Variants in IGFBP2 observed in about 807,000 individuals in gnomAD.
IGFBP2 encodes the protein insulin like growth factor binding protein 2, also known as insulin-like growth factor-binding protein 2.
A neutral mutation model predicts 26.2 loss-of-function variants in IGFBP2; 12 were observed. The ratio of observed to expected loss-of-function variants is 0.46; its 90% CI spans 0.29 to 0.74. The LOEUF is 0.74. Among genes scored for constraint, IGFBP2 ranks in the 30% least tolerant of loss-of-function variants. The pLI is 0.09. For synonymous variants in IGFBP2, 189 were observed against 200.6 expected (o/e 0.94, Z 0.49); for missense variants, 328 against 441.2 (o/e 0.74, Z 2.30).
At chr2:216,649,260 C>T (rs1697772892) in intron 1 of IGFBP2, among the ~76,000 whole-genome samples, 1 of 152,162 alleles carries the variant, frequency 6.6e-6, no homozygotes, top group African/African-American at 2.4e-5. Flanking sequence ...CAGAAATATT[C>T]TTTTTAACTG....
At chr2:216,640,020 T>C (rs918908779) in intron 1 of IGFBP2, among the ~76,000 whole-genome samples, 12 of 152,186 alleles carry the variant, frequency 7.9e-5, no homozygotes, top group African/African-American at 2.9e-4. Context: ...CCCGACTCCC[T>C]CTTCCTCCTC....
In IGFBP2 at chr2:216,662,016, C is replaced by T; in HGVS notation, c.813+18C>T. 1 of 1,613,282 alleles carries T rather than the reference C, an allele frequency of 6.2e-7. No individual in the cohort carries two copies. The highest frequency in any genetic ancestry group is 1.1e-5 in the South Asian group (1 of 91,038). On this transcript the variant is annotated intron_variant, in intron 3 of 3. Transcript: ENST00000233809. ...TCAAACAGGTGAGCATGGTGCCAGC[C>T]TGGGCCAGAGCAGCTCCTCCTCAGC...
chr2:216,656,749 A>G (rs965547733), intron 1 of IGFBP2, among the ~76,000 whole-genome samples: 2 of 152,092 alleles, frequency 1.3e-5, no homozygotes, highest in Non-Finnish European at 2.9e-5. Context: ...GCCATAATAG[A>G]GACTGTCTGC....
At chr2:216,655,028 A>G (rs944448190) in intron 1 of IGFBP2, among the ~76,000 whole-genome samples, 1 of 152,160 alleles carries the variant, frequency 6.6e-6, no homozygotes. Context: ...ATAAAAACAT[A>G]TATTTTTAAA....
rs71401159 is a variant in IGFBP2 at position 216,641,688 on chromosome 2, ATT to A, written c.442+7742_442+7743del. Among the ~76,000 whole-genome samples, 552 of 133,338 alleles carry A rather than the reference ATT, an allele frequency of 4.1e-3. 3 individuals are homozygous for A. The highest frequency in any genetic ancestry group is 0.013 in the African/African-American group (462 of 35,768). The allele number at this position is 133,338 out of a possible 152,430, so 87.5% of individuals were successfully genotyped here. A position where few individuals can be genotyped will look rare whatever the true frequency, so the allele number is the denominator to read the frequency against. ...AACGGTTGGAGACCATCGGGCTTGC[ATT>A]TTTTTTTTTTTTTTTTTTAGACAGA... On this transcript the variant is annotated intron_variant, in intron 1 of 3. Transcript: ENST00000233809.
intron 1 of IGFBP2, among the ~76,000 whole-genome samples, chr2:216,657,418 C>G (rs918495450): frequency 6.6e-6 from 1 of 152,210 alleles, no homozygotes; most frequent in Non-Finnish European, 1.5e-5. Context: ...CGGCCTTTCT[C>G]TTTCACCCTT....
At chr2:216,656,738 A>G (rs935424437) in intron 1 of IGFBP2, among the ~76,000 whole-genome samples, 1 of 152,120 alleles carries the variant, frequency 6.6e-6, no homozygotes, top group African/African-American at 2.4e-5. Context: ...GTGTTGTTAT[A>G]GCCATAATAG....
intron 2 of IGFBP2, 179 bp downstream of exon 2, chr2:216,660,965 G>T (rs1688629781): frequency 1.7e-6 from 1 of 603,408 alleles, no homozygotes; most frequent in African/African-American, 1.8e-5. Context: ...AGTATCTCTG[G>T]CTGTGAAATA....
rs576278054 is a variant in IGFBP2 at position 216,635,960 on chromosome 2, G to A, written c.442+1995G>A. Reference sequence around the variant, plus strand: ...GTTAAGCAGGGGTGGAAGGTGGGGGGTGGGGCTGGAAGCTGAGTGGGTGCA... The same window carrying A: ...GTTAAGCAGGGGTGGAAGGTGGGGGATGGGGCTGGAAGCTGAGTGGGTGCA... On this transcript the variant is annotated intron_variant, in intron 1 of 3. Transcript: ENST00000233809. Among the ~76,000 whole-genome samples, 53 of 152,206 alleles carry A rather than the reference G, an allele frequency of 3.5e-4. No individual in the cohort carries two copies. The South Asian group carries it at 0.01, about 30-fold the overall frequency.
chr2:216,657,300 C>T (rs1697938249), intron 1 of IGFBP2, among the ~76,000 whole-genome samples: 1 of 152,090 alleles, frequency 6.6e-6, no homozygotes, highest in Non-Finnish European at 1.5e-5. Flanking sequence ...AGTGCGTGCG[C>T]TGCACGGCAT....
intron 1 of IGFBP2, among the ~76,000 whole-genome samples, chr2:216,641,688 A>ATT (rs71401159): frequency 3.0e-5 from 4 of 133,382 alleles, no homozygotes; most frequent in Non-Finnish European, 4.9e-5. Context: ...TCGGGCTTGC[A>ATT]TTTTTTTTTT....
At chr2:216,648,093 C>A (rs1316878742) in intron 1 of IGFBP2, among the ~76,000 whole-genome samples, 1 of 152,164 alleles carries the variant, frequency 6.6e-6, no homozygotes. Context: ...TTGTTTTGTT[C>A]TTTCTTATGA....
intron 1 of IGFBP2, among the ~76,000 whole-genome samples, chr2:216,635,753 G>T (rs909910285): frequency 3.9e-5 from 6 of 152,160 alleles, no homozygotes; most frequent in South Asian, 2.1e-4. Flanking sequence ...GAGCCTGAAG[G>T]GGGTGGGGGG....
chr2:216,653,317 A>G (rs1697861646), intron 1 of IGFBP2, among the ~76,000 whole-genome samples: 2 of 152,196 alleles, frequency 1.3e-5, no homozygotes, highest in Non-Finnish European at 1.5e-5. Flanking sequence ...ATCAAACACA[A>G]GAGTTTGATT....
Position 216,660,772 on chromosome 2 carries a change from C to T in IGFBP2, c.658C>T (p.Pro220Ser), listed in dbSNP as rs1192838471. The change falls in exon 2 of 4, where the codon CCA becomes TCA. Residue 220 changes from proline to serine, a missense_variant. Physicochemically the swap from Pro to Ser is moderately conservative, Grantham distance 74. Transcript: ENST00000233809. ...LGLEEPKKLR[P>S]PPARTPCQQE... The stretch of plus-strand genomic sequence containing the variant: ...CCTGGAGGAGCCCAAGAAGCTGCGA[C>T]CACCCCCTGCCAGGGTCAGTGAGGG... 6.3e-7 allele frequency: 1 copy of T among 1,586,660 alleles called. No homozygotes were observed. Among genetic ancestry groups the T allele is most frequent in the South Asian group, 1.1e-5 (1 of 87,360 alleles).
intron 1 of IGFBP2, among the ~76,000 whole-genome samples, chr2:216,643,843 G>A (rs1286510895): frequency 1.3e-5 from 2 of 152,172 alleles, no homozygotes; most frequent in Non-Finnish European, 2.9e-5. Context: ...GGGATAGTAG[G>A]TCCAGAGAAA....
chr2:216,662,157 G>A, intron 3 of IGFBP2, 159 bp downstream of exon 3: 4 of 810,816 alleles, frequency 4.9e-6, no homozygotes, highest in Non-Finnish European at 7.7e-6. Flanking sequence ...CAGCTGCCAG[G>A]CCGGGGAGGG....
intron 1 of IGFBP2, among the ~76,000 whole-genome samples, chr2:216,653,299 C>T (rs1419210843): frequency 6.6e-6 from 1 of 152,118 alleles, no homozygotes; most frequent in South Asian, 2.1e-4. Context: ...TTGTGGGAGT[C>T]CGTTTCTATC....
chr2:216,650,012 G>A (rs1050005047), intron 1 of IGFBP2, among the ~76,000 whole-genome samples: 3 of 152,168 alleles, frequency 2.0e-5, no homozygotes, highest in Non-Finnish European at 2.9e-5. Flanking sequence ...GCTTATACCC[G>A]AGACCACCTC....
Sources: gnomAD v4.1 joint callset for allele counts (sites outside exome capture counted in the v4.1 genomes callset) on GRCh38, gnomAD v4.1.1 for gene constraint, MANE v1.5 for transcripts, NCBI Gene and HGNC (gene_info 2026-07-23, HGNC 2026-07-21) for gene names.